Variants in FGF14 observed in about 807,000 individuals in gnomAD.
FGF14 encodes fibroblast growth factor 14.
In FGF14, 5 loss-of-function variants were observed where a neutral mutation model predicts 25.5. The observed-to-expected ratio is 0.20, with a 90% CI of 0.10 to 0.41. The LOEUF is 0.41. FGF14 is among the 10% of genes least tolerant of loss of function. FGF14 has a pLI of 1.00. For missense variants in FGF14, 222 were observed against 320.1 expected (o/e 0.69, Z 2.34); for synonymous variants, 138 against 118.3 (o/e 1.17, Z -1.08).
At chr13:102,112,365 C>T (rs1224451093) in intron 1 of FGF14, among the ~76,000 whole-genome samples, 1 of 151,674 alleles carries the variant, frequency 6.6e-6, no homozygotes, top group African/African-American at 2.4e-5. Context: ...ACACCTGCCA[C>T]CCCCCAGCCC....
At chr13:101,967,570 G>A (rs2037292789) in intron 1 of FGF14, 1 of 152,436 alleles carries the variant, frequency 6.6e-6, no homozygotes, top group Admixed American at 6.5e-5. Context: ...GAAGGCATAA[G>A]TAAGCACATC....
chr13:102,203,796 T>C (rs1257493799), intron 1 of FGF14, among the ~76,000 whole-genome samples: 1 of 152,212 alleles, frequency 6.6e-6, no homozygotes, highest in Non-Finnish European at 1.5e-5. Context: ...TGACACCAAT[T>C]TGCATTAGGA....
intron 1 of FGF14, among the ~76,000 whole-genome samples, chr13:102,106,706 T>C (rs989096361): frequency 5.3e-5 from 8 of 152,138 alleles, no homozygotes; most frequent in African/African-American, 1.7e-4. Flanking sequence ...AGGTAGACAT[T>C]TGTGTGCAAA....
At chr13:102,182,046 T>C (rs924611124) in intron 1 of FGF14, among the ~76,000 whole-genome samples, 3 of 152,172 alleles carry the variant, frequency 2.0e-5, no homozygotes, top group Non-Finnish European at 1.5e-5. Flanking sequence ...TACTTTGTTA[T>C]GGCAGCCCTA....
chr13:102,067,486 A>C (rs537967941), intron 1 of FGF14, among the ~76,000 whole-genome samples: 5 of 151,838 alleles, frequency 3.3e-5, no homozygotes, highest in Admixed American at 1.3e-4. Flanking sequence ...TGATTGCACA[A>C]AAAAAAAGAT....
At chr13:101,869,456 G>A (rs1185227144) in intron 2 of FGF14, among the ~76,000 whole-genome samples, 1 of 152,080 alleles carries the variant, frequency 6.6e-6, no homozygotes, top group Non-Finnish European at 1.5e-5. Flanking sequence ...AATGTTAAAA[G>A]CATTTTATAT....
At position 101,721,079 on chromosome 13, in the gene FGF14, TAGAA is replaced by T. The variant is rs558584910; in HGVS notation, c.*1748_*1751del. 2.6e-5 allele frequency: 4 copies of T among 152,170 alleles called. No homozygotes were observed. The highest frequency in any genetic ancestry group is 4.8e-5 in the African/African-American group (2 of 41,540). The allele number at this position is 152,170 out of a possible 1,614,324, so 9.4% of individuals were successfully genotyped here. A position where few individuals can be genotyped will look rare whatever the true frequency, so the allele number is the denominator to read the frequency against. ...ATGATGACTGGGTCATCCTCCCACA[TAGAA>T]AGAATAACAAGAGGCCAGTACATTG... On this transcript the variant is annotated 3_prime_UTR_variant, in exon 5 of 5. Coordinates refer to ENST00000376143, the MANE Select transcript of FGF14 (RefSeq NM_004115.4).
intron 1 of FGF14, among the ~76,000 whole-genome samples, chr13:102,079,629 A>G (rs1479878039): frequency 6.6e-6 from 1 of 152,104 alleles, no homozygotes; most frequent in African/African-American, 2.4e-5. Flanking sequence ...ACCATACATG[A>G]TACTGGGGCA....
chr13:102,280,791 T>G (rs1483145832), intron 1 of FGF14, among the ~76,000 whole-genome samples: 1 of 152,118 alleles, frequency 6.6e-6, no homozygotes, highest in Non-Finnish European at 1.5e-5. Flanking sequence ...TTAATAGGAA[T>G]ATGAAAACAG....
chr13:101,884,868 TACACACACAC>T (rs760286958), intron 1 of FGF14, among the ~76,000 whole-genome samples: 6 of 73,236 alleles, frequency 8.2e-5, no homozygotes, highest in African/African-American at 2.8e-4. Flanking sequence ...GACACATACA[TACACACACAC>T]ACACACACAC....
At chr13:102,306,987 C>T (rs2055420333) in intron 1 of FGF14, among the ~76,000 whole-genome samples, 1 of 152,010 alleles carries the variant, frequency 6.6e-6, no homozygotes, top group South Asian at 2.1e-4. Flanking sequence ...TCCTGAATGA[C>T]CCAGGGCATT....
upstream of FGF14, among the ~76,000 whole-genome samples, chr13:101,918,919 T>A (rs34363841): frequency 1.3e-5 from 2 of 151,238 alleles, no homozygotes; most frequent in African/African-American, 2.5e-5. Flanking sequence ...ATGCTAGAGT[T>A]GTTTTGCTAG....
At chr13:102,189,518 C>T (rs1483889981) in intron 1 of FGF14, among the ~76,000 whole-genome samples, 1 of 152,068 alleles carries the variant, frequency 6.6e-6, no homozygotes, top group African/African-American at 2.4e-5. Flanking sequence ...GAATCCCTTA[C>T]AACATTTAGG....
At chr13:101,914,196 T>G (rs1045770948) in intron 1 of FGF14, among the ~76,000 whole-genome samples, 1 of 151,118 alleles carries the variant, frequency 6.6e-6, no homozygotes, top group Admixed American at 6.6e-5. Context: ...CTTAATTAAA[T>G]GAATAATTAT....
chr13:102,194,227 TATTAAATACAC>T (rs2049247708), intron 1 of FGF14, among the ~76,000 whole-genome samples: 1 of 152,102 alleles, frequency 6.6e-6, no homozygotes, highest in Admixed American at 6.6e-5. Flanking sequence ...TTAAAATACA[TATTAAATACAC>T]ATTAAAATGT....
At chr13:102,064,717 C>T (rs1462449787) in intron 1 of FGF14, among the ~76,000 whole-genome samples, 1 of 151,752 alleles carries the variant, frequency 6.6e-6, no homozygotes, top group Non-Finnish European at 1.5e-5. Flanking sequence ...ACAGAAGATA[C>T]TTTAAAAAAT....
chr13:101,894,660 G>A (rs549636237), intron 1 of FGF14, among the ~76,000 whole-genome samples: 1 of 152,272 alleles, frequency 6.6e-6, no homozygotes, highest in African/African-American at 2.4e-5. Context: ...CTAATGTAGA[G>A]TGAGCATTAG....
intron 1 of FGF14, among the ~76,000 whole-genome samples, chr13:102,211,799 C>T (rs1193006932): frequency 6.6e-6 from 1 of 152,166 alleles, no homozygotes; most frequent in Non-Finnish European, 1.5e-5. Flanking sequence ...GAATAATTTG[C>T]CAAACAGAGC....
intron 3 of FGF14, among the ~76,000 whole-genome samples, chr13:101,804,016 C>T (rs1175124146): frequency 2.0e-5 from 3 of 150,492 alleles, no homozygotes; most frequent in East Asian, 2.0e-4. Context: ...AGATCAAGTT[C>T]GAAGGAACCA....
Sources: allele counts gnomAD v4.1 joint callset (sites outside exome capture counted in the v4.1 genomes callset), GRCh38; gene constraint gnomAD v4.1.1; transcripts MANE v1.5; gene names NCBI Gene and HGNC (gene_info 2026-07-23, HGNC 2026-07-21).